Variants in PCDHGA3 observed in about 807,000 individuals in gnomAD.
PCDHGA3 encodes protocadherin gamma-A3.
In PCDHGA3, 40 loss-of-function variants were observed where a neutral mutation model predicts 58.5. The observed-to-expected ratio is 0.68, with a 90% CI of 0.53 to 0.89. PCDHGA3 has a LOEUF of 0.89. Among genes scored for constraint, PCDHGA3 ranks in the 40% least tolerant of loss-of-function variants. The probability of loss-of-function intolerance (pLI) is 0.00; values close to 1 mark genes in which losing one functional copy is unlikely to be tolerated. For synonymous variants in PCDHGA3, 530 were observed against 525.7 expected, an observed-to-expected ratio of 1.01 and a Z score of -0.11; for missense variants, 1,223 against 1,195.9, an observed-to-expected ratio of 1.02 and a Z score of -0.33.
At chr5:141,441,747 G>A in intron 1 of PCDHGA3, 2 of 372,470 alleles carry the variant, frequency 5.4e-6, no homozygotes, top group Non-Finnish European at 5.4e-6. Flanking sequence ...CGCGCTCGGC[G>A]TCAACGTGAG....
In PCDHGA3 at chr5:141,491,921, A is replaced by T; in HGVS notation, c.2425-2886A>T. ...CCGGGGGTGGTGGCGACTGTGGGCG[A>T]GGGGAGGTGGGACCGACCCCCACCC... On this transcript the variant is annotated intron_variant, in intron 1 of 3. Coordinates refer to ENST00000253812, the MANE Select transcript of PCDHGA3 (RefSeq NM_018916.4). The surrounding 1 kb of genome is among the most constrained non-coding windows in gnomAD (Gnocchi z 6.9). The T allele has an allele frequency of 1.5e-6, 2 of 1,353,738 alleles. No homozygotes were observed. Among genetic ancestry groups the T allele is most frequent in the Non-Finnish European group, 2.0e-6 (2 of 1,013,388 alleles). 83.9% of individuals were successfully genotyped at this position (1,353,738 alleles called of 1,614,324 possible). A position where few individuals can be genotyped will look rare whatever the true frequency, so the allele number is the denominator to read the frequency against.
intron 1 of PCDHGA3, among the ~76,000 whole-genome samples, chr5:141,401,414 A>G (rs539285035): frequency 1.3e-5 from 2 of 152,350 alleles, no homozygotes; most frequent in African/African-American, 4.8e-5. Flanking sequence ...AGAGAAAGAG[A>G]GAGACTGATT....
intron 1 of PCDHGA3, chr5:141,471,252 T>A (rs1003162914): frequency 6.6e-6 from 1 of 151,872 alleles, no homozygotes; most frequent in Admixed American, 6.6e-5. Flanking sequence ...GGTTTCACCA[T>A]GTTGGCAAGG....
intron 1 of PCDHGA3, among the ~76,000 whole-genome samples, chr5:141,464,076 C>A (rs561982216): frequency 3.1e-4 from 47 of 152,132 alleles, no homozygotes; most frequent in African/African-American, 9.4e-4. Context: ...GCCAGCCTGG[C>A]CAACATGGTG....
At chr5:141,389,254 T>C (rs1589085552) in intron 1 of PCDHGA3, 1 of 1,614,012 alleles carries the variant, frequency 6.2e-7, no homozygotes. Flanking sequence ...TCCTATATAG[T>C]CCACGTGGCC....
chr5:141,372,366 G>A lies in PCDHGA3; in HGVS notation c.2424+25909G>A, dbSNP rs867619570. ...AGGACAGCAGCCTCTTTCAGCCACC[G>A]TCATGCTGCACCTAATCTTCGCAGA... On this transcript the variant is annotated intron_variant, in intron 1 of 3. Coordinates refer to ENST00000253812, the MANE Select transcript of PCDHGA3 (RefSeq NM_018916.4). The A allele has an allele frequency of 3.7e-6, 6 of 1,613,832 alleles. No homozygotes were observed. In the African/African-American group the frequency reaches 6.7e-5, roughly 18 times the overall value.
At chr5:141,418,436 G>A in intron 1 of PCDHGA3, 1 of 1,614,000 alleles carries the variant, frequency 6.2e-7, no homozygotes. Flanking sequence ...CAAATATCCA[G>A]AATTAGTATT....
Position 141,356,649 on chromosome 5 carries a change from C to A in PCDHGA3, c.2424+10192C>A, listed in dbSNP as rs780140906. 7.4e-6 allele frequency: 12 copies of A among 1,614,014 alleles called. No individual in the cohort carries two copies. In the South Asian group the frequency reaches 1.3e-4, roughly 18 times the overall value. On this transcript the variant is annotated intron_variant, in intron 1 of 3. Transcript: ENST00000253812. Reference sequence around the variant, plus strand: ...CTGCTCAAGACCCTGACAGTGGTGACAATGCCCGAATCACTTACTCCCTGG... The same window carrying A: ...CTGCTCAAGACCCTGACAGTGGTGAAAATGCCCGAATCACTTACTCCCTGG...
chr5:141,455,919 A>T, intron 1 of PCDHGA3, among the ~76,000 whole-genome samples: 1 of 145,568 alleles, frequency 6.9e-6, no homozygotes, highest in Non-Finnish European at 1.5e-5. Context: ...TTATTTTGAG[A>T]CGGAGTCTCG....
rs1209394605 is a variant in PCDHGA3, at chr5:141,353,277, G to GTCATTTTAT, written c.2424+6823_2424+6831dup. Among the ~76,000 whole-genome samples, 77 of 152,218 alleles carry GTCATTTTAT rather than the reference G, an allele frequency of 5.1e-4. 1 individual carries two copies. The highest frequency in any genetic ancestry group is 1.5e-5 in the Non-Finnish European group (1 of 67,996). ...TTGATATGCAATACTATATTTTCAA[G>GTCATTTTAT]TCATTTTATTCTTAGCTCTTTATAA... On this transcript the variant is annotated intron_variant, in intron 1 of 3. Coordinates refer to ENST00000253812, the MANE Select transcript of PCDHGA3 (RefSeq NM_018916.4).
chr5:141,352,242 C>T (rs1428205327), intron 1 of PCDHGA3: 1 of 1,614,092 alleles, frequency 6.2e-7, no homozygotes, highest in Admixed American at 1.7e-5. Flanking sequence ...CTAATCTTCG[C>T]GGATAGCCTG....
At chr5:141,507,016 G>C (rs913170594) in intron 3 of PCDHGA3, 1 of 152,166 alleles carries the variant, frequency 6.6e-6, no homozygotes, top group African/African-American at 2.4e-5. Context: ...AACCGAGAAG[G>C]CACTTGCCCC....
intron 1 of PCDHGA3, chr5:141,428,156 C>A: frequency 6.3e-7 from 1 of 1,579,884 alleles, no homozygotes; most frequent in Non-Finnish European, 8.6e-7. Context: ...CGGGAACCTG[C>A]TGGTTGCTGT....
In PCDHGA3 at chr5:141,487,938, G is replaced by A; in HGVS notation, c.2425-6869G>A. ...GAGGCTACAGTGCACAGGGTACAGT[G>A]CACCAGGCAGTCACTTGGACAAAGG... is the stretch of plus-strand genomic sequence containing the variant. On this transcript the variant is annotated intron_variant, in intron 1 of 3. Coordinates refer to ENST00000253812, the MANE Select transcript of PCDHGA3 (RefSeq NM_018916.4). This position sits in a 1 kb window ranked among gnomAD's most constrained non-coding sequence, Gnocchi z 5.0. 1.7e-6 allele frequency: 1 copy of A among 600,308 alleles called. No homozygotes were observed. The highest frequency in any genetic ancestry group is 2.9e-6 in the Non-Finnish European group (1 of 342,970). 37.2% of individuals were successfully genotyped at this position (600,308 alleles called of 1,614,324 possible).
At chr5:141,376,411 C>T in intron 1 of PCDHGA3, 1 of 1,614,182 alleles carries the variant, frequency 6.2e-7, no homozygotes, top group Non-Finnish European at 8.5e-7. Flanking sequence ...CCAACTATGC[C>T]GACACGCTTA....
At chr5:141,374,269 C>G in intron 1 of PCDHGA3, 2 of 1,614,002 alleles carry the variant, frequency 1.2e-6, no homozygotes. Context: ...TGGCGGAGCA[C>G]GGAGTCCGCA....
rs779065098 is a variant in PCDHGA3, at chr5:141,491,758, C to G, written c.2425-3049C>G. The G allele has an allele frequency of 1.9e-6, 3 of 1,578,788 alleles. No individual in the cohort carries two copies. The highest frequency in any genetic ancestry group is 1.7e-4 in the Middle Eastern group (1 of 5,954). ...TGGGGGCGGCACTGGAGAAGCCGCCCGTCCTCATAAGGGATTGAACTTGCA... is the reference window on the plus strand; with the variant it reads ...TGGGGGCGGCACTGGAGAAGCCGCCGGTCCTCATAAGGGATTGAACTTGCA... On this transcript the variant is annotated intron_variant, in intron 1 of 3. Transcript: ENST00000253812. This position sits in a 1 kb window ranked among gnomAD's most constrained non-coding sequence, Gnocchi z 6.9.
chr5:141,388,619 C>A (rs369637121), intron 1 of PCDHGA3: 1 of 1,613,852 alleles, frequency 6.2e-7, no homozygotes, highest in Admixed American at 1.7e-5. Flanking sequence ...TCAGTCAAGA[C>A]GTATACAGGG....
intron 1 of PCDHGA3, chr5:141,430,820 G>C (rs1194897001): frequency 6.5e-7 from 1 of 1,541,598 alleles, no homozygotes; most frequent in East Asian, 2.3e-5. Context: ...AATCCTCCTG[G>C]GGACTCTGTG....
Sources: allele counts gnomAD v4.1 joint callset (sites outside exome capture counted in the v4.1 genomes callset), GRCh38; gene constraint gnomAD v4.1.1; non-coding constraint Gnocchi (gnomAD v3.1); transcripts MANE v1.5; gene names NCBI Gene and HGNC (gene_info 2026-07-23, HGNC 2026-07-21).